FBXO34: variants seen among roughly 807,000 people sequenced by gnomAD.
FBXO34 encodes F-box only protein 34.
FBXO34 carries 12 observed loss-of-function variants against 24.5 expected under a neutral mutation model. The ratio of observed to expected loss-of-function variants is 0.49; its 90% CI spans 0.31 to 0.79. FBXO34 has a LOEUF of 0.79. Among genes scored for constraint, FBXO34 ranks in the 30% least tolerant of loss-of-function variants. The probability of loss-of-function intolerance (pLI) is 0.04; values close to 1 mark genes in which losing one functional copy is unlikely to be tolerated. For synonymous variants in FBXO34, 320 were observed against 311.9 expected, an observed-to-expected ratio of 1.03 and a Z score of -0.27; for missense variants, 823 against 857.7, an observed-to-expected ratio of 0.96 and a Z score of 0.51.
chr14:55,388,312 TG>T, the FBXO34 span, among the ~76,000 whole-genome samples: 4 of 152,216 alleles, frequency 2.6e-5, no homozygotes, highest in Non-Finnish European at 4.4e-5. Flanking sequence ...GTCAGATTTC[TG>T]GGGGAAGATC....
chr14:55,291,090 G>A (rs1430659263), intron 1 of FBXO34, among the ~76,000 whole-genome samples: 1 of 152,134 alleles, frequency 6.6e-6, no homozygotes, highest in Non-Finnish European at 1.5e-5. Context: ...GCCTCCCAAA[G>A]TGCTATGATT....
chr14:55,291,160 G>A (rs1347292831), intron 1 of FBXO34, among the ~76,000 whole-genome samples: 1 of 152,138 alleles, frequency 6.6e-6, no homozygotes, highest in African/African-American at 2.4e-5. Context: ...ATTTTTAGAA[G>A]GGGAACTACT....
the FBXO34 span, among the ~76,000 whole-genome samples, chr14:55,382,999 A>T: frequency 6.6e-6 from 1 of 152,240 alleles, no homozygotes; most frequent in East Asian, 1.9e-4. Context: ...TACATTTTTT[A>T]AACTCTCTTT....
downstream of FBXO34, among the ~76,000 whole-genome samples, chr14:55,365,067 A>G (rs1401795331): frequency 6.6e-6 from 1 of 150,408 alleles, no homozygotes; most frequent in African/African-American, 2.4e-5. Flanking sequence ...TTAAAAAAAA[A>G]AAAAAAAAAA....
chr14:55,298,932 A>G (rs866233742), intron 1 of FBXO34: 11 of 1,578,102 alleles, frequency 7.0e-6, no homozygotes, highest in Middle Eastern at 1.7e-4. Flanking sequence ...GCTCAAGAAC[A>G]TGGGCTCTGC....
At chr14:55,387,172 C>G in the FBXO34 span, among the ~76,000 whole-genome samples, 1 of 152,148 alleles carries the variant, frequency 6.6e-6, no homozygotes, top group Non-Finnish European at 1.5e-5. Context: ...CTCAGTGGTT[C>G]TCCACTGCCC....
the FBXO34 span, among the ~76,000 whole-genome samples, chr14:55,421,308 G>A: frequency 2.6e-5 from 4 of 152,208 alleles, no homozygotes; most frequent in African/African-American, 4.8e-5. Flanking sequence ...TTATTGGCAG[G>A]CTTTTCTCAC....
At chr14:55,342,131 G>C (rs954047455) in intron 1 of FBXO34, among the ~76,000 whole-genome samples, 3 of 152,146 alleles carry the variant, frequency 2.0e-5, no homozygotes, top group Admixed American at 6.5e-5. Flanking sequence ...TGGATACTTT[G>C]TTGTCCCATC....
At chr14:55,372,342 C>T (rs145263287), downstream of FBXO34, among the ~76,000 whole-genome samples, 122 of 152,260 alleles carry the variant, frequency 8.0e-4, no homozygotes, top group African/African-American at 2.8e-3. Flanking sequence ...CCTCCTGGCA[C>T]GCACCCACTA....
intron 1 of FBXO34, among the ~76,000 whole-genome samples, chr14:55,338,271 G>A (rs1031555659): frequency 1.3e-5 from 2 of 151,484 alleles, no homozygotes; most frequent in African/African-American, 4.9e-5. Context: ...GGATGGTCTC[G>A]ATCTCCTGAC....
intron 1 of FBXO34, among the ~76,000 whole-genome samples, chr14:55,308,606 T>C (rs1882632793): frequency 6.6e-6 from 1 of 152,232 alleles, no homozygotes; most frequent in African/African-American, 2.4e-5. Flanking sequence ...AACTGCCAAG[T>C]ATTGCTAGAT....
At chr14:55,421,281 A>G in the FBXO34 span, among the ~76,000 whole-genome samples, 1 of 152,110 alleles carries the variant, frequency 6.6e-6, no homozygotes, top group Non-Finnish European at 1.5e-5. Flanking sequence ...TGCCTCTGAT[A>G]TCTACACTAT....
At chr14:55,392,617 C>A in the FBXO34 span, among the ~76,000 whole-genome samples, 1 of 148,492 alleles carries the variant, frequency 6.7e-6, no homozygotes, top group Non-Finnish European at 1.5e-5. Context: ...CCACGGCACT[C>A]CAGCCTGGGT....
the FBXO34 span, among the ~76,000 whole-genome samples, chr14:55,416,760 G>T: frequency 6.6e-6 from 1 of 152,282 alleles, no homozygotes; most frequent in East Asian, 1.9e-4. Context: ...GAACAACCTT[G>T]TTAGCAGACA....
At chr14:55,327,712 C>G (rs889103986) in intron 1 of FBXO34, among the ~76,000 whole-genome samples, 1 of 151,992 alleles carries the variant, frequency 6.6e-6, no homozygotes, top group Non-Finnish European at 1.5e-5. Context: ...GTGGAGATTT[C>G]GAATAGACAG....
intron 1 of FBXO34, among the ~76,000 whole-genome samples, chr14:55,279,366 G>A (rs1881455400): frequency 6.6e-6 from 1 of 151,990 alleles, no homozygotes; most frequent in African/African-American, 2.4e-5. Context: ...CTATTTGGAG[G>A]TATCTGTAAC....
downstream of FBXO34, among the ~76,000 whole-genome samples, chr14:55,370,715 C>T (rs1884795920): frequency 6.6e-6 from 1 of 151,712 alleles, no homozygotes; most frequent in South Asian, 2.1e-4. Context: ...CATCTTGGCT[C>T]CTGCAACCTC....
chr14:55,377,570 T>C, the FBXO34 span, among the ~76,000 whole-genome samples: 1 of 152,102 alleles, frequency 6.6e-6, no homozygotes, highest in African/African-American at 2.4e-5. Flanking sequence ...TCCAGGAACA[T>C]GTGGGTTCTT....
At chr14:55,428,321 G>A in the FBXO34 span, among the ~76,000 whole-genome samples, 7 of 151,792 alleles carry the variant, frequency 4.6e-5, no homozygotes, top group African/African-American at 1.7e-4. Flanking sequence ...AGTAGAGACA[G>A]GGTTTCACCG....
Sources: allele counts gnomAD v4.1 joint callset (sites outside exome capture counted in the v4.1 genomes callset), GRCh38; gene constraint gnomAD v4.1.1; transcripts MANE v1.5; gene names NCBI Gene and HGNC (gene_info 2026-07-23, HGNC 2026-07-21).